MYO1E: variants seen among roughly 807,000 people sequenced by gnomAD.
The protein encoded by MYO1E is myosin IE, also known as unconventional myosin-Ie.
Under a neutral mutation model 151.1 loss-of-function variants are expected in MYO1E, and 68 were observed. The observed-to-expected ratio is 0.45, with a 90% CI of 0.37 to 0.55. MYO1E has a LOEUF of 0.55. Among genes scored for constraint, MYO1E ranks in the 20% least tolerant of loss-of-function variants. The pLI, the probability that MYO1E is intolerant of heterozygous loss-of-function variation, is 0.00. For missense variants in MYO1E, 1,363 were observed against 1,389.3 expected (o/e 0.98, Z 0.30); for synonymous variants, 601 against 501.7 (o/e 1.20, Z -2.64).
chr15:59,156,417 T>A (rs1279486985), intron 25 of MYO1E, among the ~76,000 whole-genome samples: 2 of 152,212 alleles, frequency 1.3e-5, no homozygotes, highest in Non-Finnish European at 2.9e-5. Flanking sequence ...ACTCCTGGCC[T>A]CAAGTGATCT....
intron 1 of MYO1E, among the ~76,000 whole-genome samples, chr15:59,311,252 C>T (rs961256259): frequency 5.3e-5 from 8 of 152,120 alleles, no homozygotes; most frequent in East Asian, 3.9e-4. Context: ...AGGAGTGGAA[C>T]GGTTTCAGGT....
At chr15:59,206,800 G>C in intron 14 of MYO1E, 1 of 799,566 alleles carries the variant, frequency 1.3e-6, no homozygotes, top group African/African-American at 1.7e-5. Context: ...GGCCCGCGCA[G>C]CCGCAGTAGA....
chr15:59,253,762 A>G (rs1313153427), intron 4 of MYO1E, among the ~76,000 whole-genome samples: 1 of 151,870 alleles, frequency 6.6e-6, no homozygotes, highest in Non-Finnish European at 1.5e-5. Context: ...GTGAACCACC[A>G]CTCCCGGCGT....
rs535873700 is a variant in MYO1E at position 59,168,774 on chromosome 15, C to T, written c.2480+3123G>A. 3.9e-5 allele frequency among the ~76,000 whole-genome samples: 6 copies of T among 152,172 alleles called. No homozygotes were observed. The South Asian group carries it at 1.0e-3, about 26-fold the overall frequency. Reference sequence around the variant, plus strand: ...TAGCTGGGACCACGGGCACGTACCACCACTCCTGGCTAATTTTCACATTTT... The same window carrying T: ...TAGCTGGGACCACGGGCACGTACCATCACTCCTGGCTAATTTTCACATTTT... On this transcript the variant is annotated intron_variant, in intron 22 of 27. Coordinates refer to ENST00000288235, the MANE Select transcript of MYO1E (RefSeq NM_004998.4).
intron 1 of MYO1E, among the ~76,000 whole-genome samples, chr15:59,330,363 C>G (rs1409425571): frequency 1.3e-5 from 2 of 152,172 alleles, no homozygotes; most frequent in South Asian, 4.1e-4. Context: ...ATCCAGTTTC[C>G]AGCTTTAAGA....
At chr15:59,223,786 C>G (rs1241817714) in intron 8 of MYO1E, among the ~76,000 whole-genome samples, 1 of 152,124 alleles carries the variant, frequency 6.6e-6, no homozygotes, top group Non-Finnish European at 1.5e-5. Flanking sequence ...CAATAAATAC[C>G]GCTAAAATGT....
chr15:59,292,280 TCC>T (rs1409506744), intron 1 of MYO1E, among the ~76,000 whole-genome samples: 28 of 152,350 alleles, frequency 1.8e-4, no homozygotes, highest in African/African-American at 6.7e-4. Flanking sequence ...AATGGGTGTT[TCC>T]CTTGTCTCCA....
At chr15:59,143,534 T>C (rs888311484) in intron 26 of MYO1E, among the ~76,000 whole-genome samples, 2 of 152,298 alleles carry the variant, frequency 1.3e-5, no homozygotes, top group South Asian at 4.1e-4. Flanking sequence ...TGCACATGTC[T>C]ACACCCTTCT....
intron 1 of MYO1E, among the ~76,000 whole-genome samples, chr15:59,301,188 G>C (rs1005050185): frequency 2.6e-5 from 4 of 152,094 alleles, no homozygotes; most frequent in Non-Finnish European, 5.9e-5. Context: ...AATTTTATCA[G>C]TGGCAGCCTC....
At position 59,258,313 on chromosome 15, in the gene MYO1E, C is replaced by G. The variant is rs1263827942; in HGVS notation, c.238-1935G>C. Among the ~76,000 whole-genome samples the G allele has an allele frequency of 5.3e-5, 8 of 152,222 alleles. No individual in the cohort carries two copies. In the East Asian group the frequency reaches 1.5e-3, roughly 29 times the overall value. On this transcript the variant is annotated intron_variant, in intron 3 of 27. Coordinates refer to ENST00000288235, the MANE Select transcript of MYO1E (RefSeq NM_004998.4). ...AGTGAGCTGAGATTGCAGTATTGCACTCCAGTCTGGTGAAGAGCGAGACTC... is the reference window on the plus strand; with the variant it reads ...AGTGAGCTGAGATTGCAGTATTGCAGTCCAGTCTGGTGAAGAGCGAGACTC...
chr15:59,236,491 T>C (rs1353497871), intron 5 of MYO1E, 94 bp downstream of exon 5: 10 of 1,085,338 alleles, frequency 9.2e-6, no homozygotes, highest in Non-Finnish European at 1.4e-5. Flanking sequence ...AACCAGTGTC[T>C]TTTCTGTGGA....
intron 23 of MYO1E, among the ~76,000 whole-genome samples, chr15:59,161,945 A>G (rs995174161): frequency 2.0e-5 from 3 of 152,240 alleles, no homozygotes; most frequent in African/African-American, 4.8e-5. Context: ...TCATGATATA[A>G]AGGCTTTGTC....
intron 1 of MYO1E, among the ~76,000 whole-genome samples, chr15:59,277,215 C>G (rs548423910): frequency 2.0e-5 from 3 of 152,188 alleles, no homozygotes; most frequent in South Asian, 2.1e-4. Flanking sequence ...AAATTTTAGA[C>G]ACACAGACCA....
intron 14 of MYO1E, among the ~76,000 whole-genome samples, chr15:59,206,377 C>G (rs2079833958): frequency 1.3e-5 from 2 of 152,318 alleles, no homozygotes; most frequent in South Asian, 2.1e-4. Context: ...GAAGCCCCAG[C>G]CGACTGTCCC....
chr15:59,292,938 T>C (rs1465619012), intron 1 of MYO1E, among the ~76,000 whole-genome samples: 1 of 152,060 alleles, frequency 6.6e-6, no homozygotes, highest in Non-Finnish European at 1.5e-5. Context: ...GGCAGGCAAA[T>C]GGGAGTTTGT....
intron 1 of MYO1E, among the ~76,000 whole-genome samples, chr15:59,313,019 C>A (rs2080562505): frequency 6.6e-6 from 1 of 152,196 alleles, no homozygotes; most frequent in Non-Finnish European, 1.5e-5. Flanking sequence ...CACCCTAAAC[C>A]TGCTAAATGA....
At chr15:59,365,699 G>T (rs1165813533) in intron 1 of MYO1E, among the ~76,000 whole-genome samples, 1 of 152,182 alleles carries the variant, frequency 6.6e-6, no homozygotes, top group Non-Finnish European at 1.5e-5. Flanking sequence ...ACCATAAAGT[G>T]CTATAAATGA....
At chr15:59,309,223 TTACA>T (rs1260348179) in intron 1 of MYO1E, among the ~76,000 whole-genome samples, 2 of 152,308 alleles carry the variant, frequency 1.3e-5, no homozygotes, top group East Asian at 3.9e-4. Flanking sequence ...GCCCGGCACC[TTACA>T]TACATTAACT....
rs371911041 is a variant in MYO1E at position 59,236,541 on chromosome 15, T to C, written c.420+44A>G. The C allele has an allele frequency of 8.8e-4, 1,336 of 1,515,626 alleles. 3 individuals carry two copies. Among genetic ancestry groups the C allele is most frequent in the Non-Finnish European group, 1.0e-3 (1,142 of 1,090,606 alleles). The allele number at this position is 1,515,626 out of a possible 1,614,324, so 93.9% of individuals were successfully genotyped here. A position where few individuals can be genotyped will look rare whatever the true frequency, so the allele number is the denominator to read the frequency against. ...CTAACAGCAAATGGAGCCTCTTACA[T>C]TTCCCATAACATAAGGTATCATAAT... On this transcript the variant is annotated intron_variant, in intron 5 of 27. Transcript: ENST00000288235.
Sources: allele counts gnomAD v4.1 joint callset (sites outside exome capture counted in the v4.1 genomes callset), GRCh38; gene constraint gnomAD v4.1.1; transcripts MANE v1.5; gene names NCBI Gene and HGNC (gene_info 2026-07-23, HGNC 2026-07-21).